Variants in R3HDML observed in about 807,000 individuals in gnomAD.
The protein encoded by R3HDML is peptidase inhibitor R3HDML.
In R3HDML, 21 loss-of-function variants were observed where a neutral mutation model predicts 24.2. The observed-to-expected ratio is 0.87, with a 90% confidence interval of 0.62 to 1.25. R3HDML has a LOEUF of 1.25. Ranked by LOEUF, R3HDML falls within the 50% of genes most tolerant of loss-of-function variation. The probability of loss-of-function intolerance (pLI) is 0.00; values close to 1 mark genes in which losing one functional copy is unlikely to be tolerated. For synonymous variants in R3HDML, 133 were observed against 131.5 expected (o/e 1.01, Z -0.08); for missense variants, 301 against 340.3 (o/e 0.88, Z 0.91).
intron 4 of R3HDML, among the ~76,000 whole-genome samples, chr20:44,346,327 T>G (rs1198887672): frequency 1.3e-5 from 2 of 152,084 alleles, no homozygotes; most frequent in African/African-American, 4.8e-5. Flanking sequence ...TTGCCCAGGC[T>G]GGTCTTGAAC....
In R3HDML at chr20:44,339,579, A is replaced by ATGTGTGTGTGTG. The variant is rs140076477; in HGVS notation, c.262-1601_262-1590dup. ...AATATGCTGCCATTTGCCTATATAT[A>ATGTGTGTGTGTG]TGTGTGTGTGTGTGTGTGTGTGTGT... On this transcript the variant is annotated intron_variant, in intron 1 of 4. Transcript: ENST00000217043. 1.9e-3 allele frequency among the ~76,000 whole-genome samples: 288 copies of ATGTGTGTGTGTG among 148,022 alleles called. 2 individuals carry two copies. Among genetic ancestry groups the ATGTGTGTGTGTG allele is most frequent in the Middle Eastern group, 6.8e-3 (2 of 292 alleles).
At chr20:44,346,092 TTA>T (rs1245650554) in intron 4 of R3HDML, among the ~76,000 whole-genome samples, 2 of 152,174 alleles carry the variant, frequency 1.3e-5, no homozygotes, top group African/African-American at 4.8e-5. Context: ...AGTGCTGGGA[TTA>T]CAGGAGTGAG....
At position 44,346,355 on chromosome 20, in the gene R3HDML, C is replaced by A. The variant is rs1449427280; in HGVS notation, c.629+977C>A. Among the ~76,000 whole-genome samples the A allele has an allele frequency of 3.3e-5, 5 of 152,238 alleles. No homozygotes were observed. The East Asian group carries it at 9.7e-4, about 29-fold the overall frequency. On this transcript the variant is annotated intron_variant, in intron 4 of 4. Transcript: ENST00000217043. ...TCTTGAACTCCTAGGCTCAAGCAGT[C>A]CTCCTTCCAAGGTCTCCCAAAGTGC... is the stretch of plus-strand genomic sequence containing the variant.
intron 2 of R3HDML, among the ~76,000 whole-genome samples, chr20:44,342,415 C>T (rs986539728): frequency 1.3e-5 from 2 of 152,018 alleles, no homozygotes; most frequent in African/African-American, 4.8e-5. Context: ...GAGCAGACAT[C>T]GGGTGATTCA....
intron 1 of R3HDML, among the ~76,000 whole-genome samples, chr20:44,338,798 G>A (rs1246315285): frequency 6.6e-6 from 1 of 152,124 alleles, no homozygotes; most frequent in Admixed American, 6.6e-5. Context: ...AGAGCCGGGC[G>A]CAGTGGCTCA....
chr20:44,343,991 A>AG (rs2062779196), intron 3 of R3HDML, among the ~76,000 whole-genome samples: 1 of 152,126 alleles, frequency 6.6e-6, no homozygotes, highest in Non-Finnish European at 1.5e-5. Context: ...TTCTAAAAAT[A>AG]GTGAGGTGTG....
intron 4 of R3HDML, chr20:44,347,619 GAA>G (rs2062791596): frequency 6.6e-6 from 1 of 151,944 alleles, no homozygotes; most frequent in East Asian, 1.9e-4. Flanking sequence ...AGAGATGAAA[GAA>G]AGAAGGAAAA....
chr20:44,339,162 C>T (rs924824544), intron 1 of R3HDML, among the ~76,000 whole-genome samples: 1 of 151,890 alleles, frequency 6.6e-6, no homozygotes, highest in Non-Finnish European at 1.5e-5. Context: ...CTGACTTCTA[C>T]TCACAGAACA....
chr20:44,348,725 G>A (rs990607492), intron 4 of R3HDML, among the ~76,000 whole-genome samples: 3 of 151,808 alleles, frequency 2.0e-5, no homozygotes, highest in Non-Finnish European at 2.9e-5. Flanking sequence ...TGTTGCCCAG[G>A]CTAGTCTGGA....
chr20:44,343,597 G>T, intron 3 of R3HDML, 88 bp downstream of exon 3: 1 of 1,347,866 alleles, frequency 7.4e-7, no homozygotes. Flanking sequence ...AAATAAGAAT[G>T]CAAACAAAGA....
rs2062761828 is a variant in R3HDML at position 44,337,806 on chromosome 20, C to A, written c.261+388C>A. Among the ~76,000 whole-genome samples the A allele has an allele frequency of 6.6e-6, 1 of 152,186 alleles. No homozygotes were observed. The highest frequency in any genetic ancestry group is 6.5e-5 in the Admixed American group (1 of 15,268). ...CCACCTGGCACCATCACAACTGTAACCATCACAATCCCCTACCCAAGAATT... is the reference window on the plus strand; with the variant it reads ...CCACCTGGCACCATCACAACTGTAAACATCACAATCCCCTACCCAAGAATT... On this transcript the variant is annotated intron_variant, in intron 1 of 4. Transcript: ENST00000217043. The surrounding 1 kb of genome is among the most constrained non-coding windows in gnomAD (Gnocchi z 4.7).
intron 4 of R3HDML, among the ~76,000 whole-genome samples, chr20:44,347,214 C>CT (rs1295174722): frequency 1.4e-5 from 2 of 139,672 alleles, no homozygotes; most frequent in South Asian, 2.5e-4. Flanking sequence ...TTCTTTTTTT[C>CT]TTTTTTCTTT....
At chr20:44,349,427 A>G (rs1158319382) in intron 4 of R3HDML, among the ~76,000 whole-genome samples, 2 of 152,136 alleles carry the variant, frequency 1.3e-5, no homozygotes, top group African/African-American at 4.8e-5. Context: ...CCCCGCCCCC[A>G]AACTTCTGAG....
At chr20:44,343,345 C>G (rs2062777056) in intron 2 of R3HDML, 32 bp from the exon 3 acceptor site, 1 of 1,606,182 alleles carries the variant, frequency 6.2e-7, no homozygotes, top group South Asian at 1.1e-5. Context: ...CATCCTCTCA[C>G]CCAGCTTCTT....
chr20:44,344,125 C>CA (rs553171180), intron 3 of R3HDML, among the ~76,000 whole-genome samples: 2 of 152,034 alleles, frequency 1.3e-5, no homozygotes, highest in African/African-American at 4.8e-5. Flanking sequence ...ACTGAAAATA[C>CA]AAAAAATTAG....
intron 4 of R3HDML, among the ~76,000 whole-genome samples, chr20:44,348,066 G>C (rs1010749082): frequency 6.7e-6 from 1 of 148,666 alleles, no homozygotes; most frequent in East Asian, 2.0e-4. Flanking sequence ...CCAGGCTCAA[G>C]TTTTCTAGTT....
rs750054379 is a variant in R3HDML, at chr20:44,339,062, T to TAA, written c.261+1665_261+1666dup. On this transcript the variant is annotated intron_variant, in intron 1 of 4. Transcript: ENST00000217043. Reference sequence around the variant, plus strand: ...TGGATGACAAGAGTGAAACTCTATCTAAAAAAAAAAAAAAAAAAAAAATAT... The same window carrying TAA: ...TGGATGACAAGAGTGAAACTCTATCTAAAAAAAAAAAAAAAAAAAAAAAATAT... 5.2e-3 allele frequency among the ~76,000 whole-genome samples: 582 copies of TAA among 111,512 alleles called. 3 individuals carry two copies. The highest frequency in any genetic ancestry group is 0.017 in the African/African-American group (478 of 28,910). The allele number at this position is 111,512 out of a possible 152,430, so 73.2% of individuals were successfully genotyped here. A position where few individuals can be genotyped will look rare whatever the true frequency, so the allele number is the denominator to read the frequency against.
intron 4 of R3HDML, among the ~76,000 whole-genome samples, chr20:44,347,039 GGCTGAGGCAGGAGAATC>G (rs1338014390): frequency 6.6e-6 from 1 of 152,110 alleles, no homozygotes; most frequent in Admixed American, 6.6e-5. Context: ...CTACTTGGGA[GGCTGAGGCAGGAGAATC>G]GCTTGAGCCT....
chr20:44,339,181 A>G (rs2062765673), intron 1 of R3HDML, among the ~76,000 whole-genome samples: 1 of 151,880 alleles, frequency 6.6e-6, no homozygotes, highest in South Asian at 2.1e-4. Flanking sequence ...CAGGCTGTCC[A>G]ACTCGACAGC....
Sources: allele counts gnomAD v4.1 joint callset (sites outside exome capture counted in the v4.1 genomes callset), GRCh38; gene constraint gnomAD v4.1.1; non-coding constraint Gnocchi (gnomAD v3.1); transcripts MANE v1.5; gene names NCBI Gene and HGNC (gene_info 2026-07-23, HGNC 2026-07-21).